Variants in LMF1 observed in about 807,000 individuals in gnomAD.
LMF1 encodes the protein transmembrane protein 112.
A neutral mutation model predicts 60.6 loss-of-function variants in LMF1; 68 were observed. That is an observed-to-expected ratio of 1.12 (90% CI 0.92 to 1.37). The LOEUF (loss-of-function observed/expected upper bound fraction) is 1.37, where lower values mean the gene tolerates loss of function less well. Ranked by LOEUF, LMF1 falls within the 40% of genes most tolerant of loss-of-function variation. LMF1 has a pLI of 0.00. For synonymous variants in LMF1, 418 were observed against 324.7 expected (o/e 1.29, Z -3.09); for missense variants, 948 against 767.2 (o/e 1.24, Z -2.78).
At chr16:951,477 G>A (rs904073951) in intron 2 of LMF1, among the ~76,000 whole-genome samples, 7 of 152,194 alleles carry the variant, frequency 4.6e-5, no homozygotes, top group African/African-American at 1.2e-4. Context: ...GTAACAGGAA[G>A]GCCAGCTCTG....
At chr16:860,414 A>G in intron 10 of LMF1, among the ~76,000 whole-genome samples, 1 of 148,296 alleles carries the variant, frequency 6.7e-6, no homozygotes, top group Non-Finnish European at 1.5e-5. Context: ...ATCTCGGCTC[A>G]CTGCAACCTC....
intron 1 of LMF1, among the ~76,000 whole-genome samples, chr16:958,411 C>T (rs1394165393): frequency 6.6e-6 from 1 of 151,710 alleles, no homozygotes; most frequent in Non-Finnish European, 1.5e-5. Context: ...AAACAAACAA[C>T]CCAATGTTAA....
chr16:969,283 C>T (rs920184466), intron 1 of LMF1, among the ~76,000 whole-genome samples: 3 of 152,032 alleles, frequency 2.0e-5, no homozygotes, highest in Non-Finnish European at 4.4e-5. Flanking sequence ...CCGTTGCGCT[C>T]CAGCCTGGGC....
chr16:854,266 G>C lies in LMF1; in HGVS notation c.*266C>G. 1.5e-6 allele frequency: 1 copy of C among 659,894 alleles called. No individual in the cohort carries two copies. The highest frequency in any genetic ancestry group is 1.5e-5 in the South Asian group (1 of 66,268). The allele number at this position is 659,894 out of a possible 1,614,324, so 40.9% of individuals were successfully genotyped here. A position where few individuals can be genotyped will look rare whatever the true frequency, so the allele number is the denominator to read the frequency against. On this transcript the variant is annotated 3_prime_UTR_variant, in exon 11 of 11. Coordinates refer to ENST00000262301, the MANE Select transcript of LMF1 (RefSeq NM_022773.4). ...CAGCCCCAGGCTGGGCCTCTGGGAG[G>C]AGGGTGGGATGGATGGGAGATCAGA... is the stretch of plus-strand genomic sequence containing the variant.
chr16:922,161 G>T (rs922109826), intron 3 of LMF1, among the ~76,000 whole-genome samples: 1 of 152,164 alleles, frequency 6.6e-6, no homozygotes, highest in Non-Finnish European at 1.5e-5. Flanking sequence ...GCAGATCGGG[G>T]CACCCTGTCT....
At chr16:887,788 G>T (rs997903230) in intron 5 of LMF1, among the ~76,000 whole-genome samples, 33 of 152,180 alleles carry the variant, frequency 2.2e-4, no homozygotes, top group African/African-American at 7.7e-4. Flanking sequence ...TGCAGACAGT[G>T]ACCTCAGGCA....
Position 970,941 on chromosome 16 carries a change from A to T in LMF1, c.40T>A (p.Ser14Thr), listed in dbSNP as rs765733159. 7 of 1,542,844 alleles carry T rather than the reference A, an allele frequency of 4.5e-6. No homozygotes were observed. In the African/African-American group the frequency reaches 8.5e-5, roughly 19 times the overall value. The change falls in exon 1 of 11, where the codon TCG becomes ACG. Residue 14 changes from serine to threonine, a missense_variant. By Grantham distance (58) the Ser-to-Thr change is moderately conservative. Coordinates refer to ENST00000262301, the MANE Select transcript of LMF1 (RefSeq NM_022773.4). ...TACCCAGTCTTCCGCCTCCTCAGCGACTCCGCGGGCGCCGCCATTGTTGGG... is the reference window on the plus strand; with the variant it reads ...TACCCAGTCTTCCGCCTCCTCAGCGTCTCCGCGGGCGCCGCCATTGTTGGG... The part of the protein sequence containing the change: ...DSPTMAAPAE[S>T]LRRRKTGYSD...
Position 962,406 on chromosome 16 carries a change from G to A in LMF1, c.194-7740C>T, listed in dbSNP as rs902550939. 1.3e-5 allele frequency among the ~76,000 whole-genome samples: 2 copies of A among 152,354 alleles called. No individual in the cohort carries two copies. The highest frequency in any genetic ancestry group is 6.5e-5 in the Admixed American group (1 of 15,312). ...CAGACACTCCCTTCAGGAGGCGGGG[G>A]CTGGACCCAGTGAGCGGCTTCCAGA... On this transcript the variant is annotated intron_variant, in intron 1 of 10. Transcript: ENST00000262301. This position sits in a 1 kb window ranked among gnomAD's most constrained non-coding sequence, Gnocchi z 4.5.
chr16:908,336 T>C (rs1361151402), intron 4 of LMF1, among the ~76,000 whole-genome samples: 1 of 152,222 alleles, frequency 6.6e-6, no homozygotes, highest in Non-Finnish European at 1.5e-5. Flanking sequence ...GCGATCTGGA[T>C]GCCGGGTTGC....
chr16:913,392 C>T (rs1403382704), intron 3 of LMF1, among the ~76,000 whole-genome samples: 1 of 152,282 alleles, frequency 6.6e-6, no homozygotes, highest in Non-Finnish European at 1.5e-5. Flanking sequence ...AGCGGAGAAG[C>T]TGCATGTGCA....
Position 860,644 on chromosome 16 carries a change from A to G in LMF1, c.1530-5938T>C, listed in dbSNP as rs193222992. Among the ~76,000 whole-genome samples, 111 of 152,242 alleles carry G rather than the reference A, an allele frequency of 7.3e-4. 5 individuals carry two copies. Among genetic ancestry groups the G allele is most frequent in the Admixed American group, 7.3e-3 (111 of 15,284 alleles). ...ATGTGGGCCACCATGCCTGGCCCTG[A>G]AAGTTGATTGTCTTATGCTTTACGT... On this transcript the variant is annotated intron_variant, in intron 10 of 10. Coordinates refer to ENST00000262301, the MANE Select transcript of LMF1 (RefSeq NM_022773.4).
intron 6 of LMF1, among the ~76,000 whole-genome samples, chr16:879,168 G>C (rs1014881135): frequency 6.6e-6 from 1 of 152,152 alleles, no homozygotes; most frequent in African/African-American, 2.4e-5. Flanking sequence ...TCAGACCCTG[G>C]TTCCCCGTGG....
At chr16:898,691 C>T (rs939101479) in intron 4 of LMF1, among the ~76,000 whole-genome samples, 24 of 152,186 alleles carry the variant, frequency 1.6e-4, no homozygotes, top group Admixed American at 9.2e-4. Context: ...AGTTCATCTC[C>T]GAAGCACAGG....
chr16:908,429 C>A (rs555195204), intron 4 of LMF1, among the ~76,000 whole-genome samples: 3 of 152,210 alleles, frequency 2.0e-5, no homozygotes, highest in African/African-American at 7.2e-5. Flanking sequence ...CCCGACACCA[C>A]GTCCAGAAAG....
At chr16:941,375 A>G (rs2072097222) in intron 2 of LMF1, among the ~76,000 whole-genome samples, 1 of 151,760 alleles carries the variant, frequency 6.6e-6, no homozygotes, top group Middle Eastern at 3.4e-3. Context: ...ACGTGCAACT[A>G]TGCCCGGGTA....
At chr16:955,312 G>A (rs1320187387) in intron 1 of LMF1, among the ~76,000 whole-genome samples, 16 of 149,166 alleles carry the variant, frequency 1.1e-4, no homozygotes, top group Non-Finnish European at 2.2e-4. Context: ...TGCAGCAGAC[G>A]CGGTGTGTGC....
chr16:959,035 A>G (rs2729577), intron 1 of LMF1, among the ~76,000 whole-genome samples: 74,558 of 152,020 alleles, frequency 0.49, 20,360 homozygotes, highest in African/African-American at 0.74. Context: ...TCTGACCCAG[A>G]TAATGAAGGG....
exon 1 of LMF1, chr16:981,264 C>T (rs1243580787): frequency 2.3e-6 from 1 of 431,902 alleles, no homozygotes; most frequent in East Asian, 7.6e-5. Context: ...GCGGGCGAGA[C>T]CTCAGGCGCG....
intron 4 of LMF1, among the ~76,000 whole-genome samples, chr16:894,770 G>C (rs570699568): frequency 5.9e-5 from 9 of 152,346 alleles, no homozygotes; most frequent in Non-Finnish European, 1.0e-4. Context: ...GGACACTTTC[G>C]TAATGGCCGC....
Sources: allele counts gnomAD v4.1 joint callset (sites outside exome capture counted in the v4.1 genomes callset), GRCh38; gene constraint gnomAD v4.1.1; non-coding constraint Gnocchi (gnomAD v3.1); transcripts MANE v1.5; gene names NCBI Gene and HGNC (gene_info 2026-07-23, HGNC 2026-07-21).